Variants in UNC79 observed in about 807,000 individuals in gnomAD.
UNC79 encodes the protein protein unc-79 homolog.
A neutral mutation model predicts 283.1 loss-of-function variants in UNC79; 37 were observed. That is an observed-to-expected ratio of 0.13 (90% confidence interval 0.10 to 0.17). UNC79 has a LOEUF of 0.17. Among genes scored for constraint, UNC79 ranks in the 10% least tolerant of loss-of-function variants. UNC79 has a pLI of 1.00. For synonymous variants in UNC79, 1,107 were observed against 1,200.2 expected, an observed-to-expected ratio of 0.92 and a Z score of 1.61; for missense variants, 2,272 against 3,211.1, an observed-to-expected ratio of 0.71 and a Z score of 7.07.
chr14:93,589,739 C>T (rs2064515940), intron 22 of UNC79, among the ~76,000 whole-genome samples: 1 of 152,042 alleles, frequency 6.6e-6, no homozygotes, highest in African/African-American at 2.4e-5. Context: ...AGATGGGAGT[C>T]CAGACTCATT....
At chr14:93,653,524 C>T (rs909202079) in intron 35 of UNC79, among the ~76,000 whole-genome samples, 5 of 152,052 alleles carry the variant, frequency 3.3e-5, no homozygotes, top group South Asian at 2.1e-4. Context: ...ACCTGGAATA[C>T]GTCTGAGACT....
intron 34 of UNC79, among the ~76,000 whole-genome samples, chr14:93,645,910 C>A (rs941500927): frequency 1.3e-5 from 2 of 152,128 alleles, no homozygotes; most frequent in African/African-American, 4.8e-5. Flanking sequence ...CTCACTCTTA[C>A]ACCTGTAGTC....
At chr14:93,487,861 G>T in intron 5 of UNC79, 106 bp downstream of exon 5, 1 of 1,073,742 alleles carries the variant, frequency 9.3e-7, no homozygotes, top group East Asian at 2.5e-5. Context: ...TCATCATAGA[G>T]ATGTGTAGAA....
intron 30 of UNC79, among the ~76,000 whole-genome samples, chr14:93,624,475 G>A (rs74073839): frequency 0.033 from 5,016 of 152,180 alleles, 230 homozygotes; most frequent in African/African-American, 0.1. Flanking sequence ...TGGTGCATAC[G>A]AAGCTGAGGT....
chr14:93,439,435 A>G lies in UNC79; in HGVS notation c.22+8384A>G, dbSNP rs147468507. Among the ~76,000 whole-genome samples, 233 of 152,038 alleles carry G rather than the reference A, an allele frequency of 1.5e-3. 1 individual carries two copies. The highest frequency in any genetic ancestry group is 5.0e-3 in the African/African-American group (206 of 41,490). On this transcript the variant is annotated intron_variant, in intron 1 of 48. Transcript: ENST00000555664. ...TGAGTCAAGTTTATTTTCTGCATCT[A>G]TGGAGACCATATTGCTTCCTCTCTT...
rs542444130 is a variant in UNC79, at chr14:93,560,819, G to A, written c.1756-11075G>A. On this transcript the variant is annotated intron_variant, in intron 14 of 48. Coordinates refer to ENST00000555664, the Ensembl canonical transcript of UNC79. Reference sequence around the variant, plus strand: ...GAAGGAATGCTGAAAGGGGTGTCTTGTACCCAGACTCCTAGGGATCCAGCT... The same window carrying A: ...GAAGGAATGCTGAAAGGGGTGTCTTATACCCAGACTCCTAGGGATCCAGCT... Among the ~76,000 whole-genome samples the A allele has an allele frequency of 9.9e-5, 15 of 152,276 alleles. No individual in the cohort carries two copies. The South Asian group carries it at 3.1e-3, about 32-fold the overall frequency.
At chr14:93,370,096 A>G (rs2054411494) in intron 1 of UNC79, among the ~76,000 whole-genome samples, 1 of 152,190 alleles carries the variant, frequency 6.6e-6, no homozygotes, top group African/African-American at 2.4e-5. Flanking sequence ...TAATCACTAC[A>G]TTACTAAAGA....
At chr14:93,444,508 C>A (rs2056406506) in intron 1 of UNC79, among the ~76,000 whole-genome samples, 1 of 151,974 alleles carries the variant, frequency 6.6e-6, no homozygotes, top group Admixed American at 6.6e-5. Flanking sequence ...TTGCCTAAAC[C>A]AATGTCACAA....
intron 1 of UNC79, among the ~76,000 whole-genome samples, chr14:93,437,117 A>T (rs758285332): frequency 5.3e-5 from 8 of 152,168 alleles, no homozygotes; most frequent in Non-Finnish European, 1.0e-4. Context: ...ACATTTATGT[A>T]TATGTTATTT....
intron 4 of UNC79, among the ~76,000 whole-genome samples, chr14:93,486,649 T>TAA (rs1333319384): frequency 7.9e-5 from 9 of 113,626 alleles, no homozygotes; most frequent in African/African-American, 3.8e-4. Context: ...AGTGAGACTC[T>TAA]GTCTAAGGAA....
At chr14:93,368,498 A>G (rs548578306) in intron 1 of UNC79, among the ~76,000 whole-genome samples, 1 of 151,936 alleles carries the variant, frequency 6.6e-6, no homozygotes, top group Non-Finnish European at 1.5e-5. Context: ...TTTGAGACAT[A>G]GTCTTGTTCT....
In UNC79 at chr14:93,474,956, G is replaced by A. The variant is rs1245120542; in HGVS notation, c.448+563G>A. ...TCAAAATGTAGATATAGTATATAGT[G>A]GCGCTGTATGCTGTATTCAGCATAT... On this transcript the variant is annotated intron_variant, in intron 3 of 48. Transcript: ENST00000555664. The surrounding 1 kb of genome is among the most constrained non-coding windows in gnomAD (Gnocchi z 4.1). 6.6e-6 allele frequency among the ~76,000 whole-genome samples: 1 copy of A among 152,150 alleles called. No homozygotes were observed. Among genetic ancestry groups the A allele is most frequent in the Non-Finnish European group, 1.5e-5 (1 of 68,030 alleles).
At chr14:93,677,247 C>T (rs915170613) in intron 41 of UNC79, among the ~76,000 whole-genome samples, 1 of 152,138 alleles carries the variant, frequency 6.6e-6, no homozygotes, top group Non-Finnish European at 1.5e-5. Context: ...AGAAGTCTTC[C>T]ATGGGGCCAC....
At chr14:93,372,534 A>G (rs181605588) in intron 1 of UNC79, among the ~76,000 whole-genome samples, 1 of 152,368 alleles carries the variant, frequency 6.6e-6, no homozygotes, top group East Asian at 1.9e-4. Context: ...GTTAATTTCA[A>G]ACAGAGAAGA....
chr14:93,373,617 A>G (rs1261163962), intron 1 of UNC79, among the ~76,000 whole-genome samples: 4 of 152,192 alleles, frequency 2.6e-5, no homozygotes, highest in Non-Finnish European at 5.9e-5. Flanking sequence ...TAAATAATTA[A>G]CCTGCAAAAT....
intron 26 of UNC79, 138 bp from the exon 27 acceptor site, chr14:93,604,758 A>G: frequency 1.1e-6 from 1 of 872,970 alleles, no homozygotes; most frequent in Non-Finnish European, 1.6e-6. Flanking sequence ...TGTTACATAA[A>G]CAACTTTTAT....
intron 1 of UNC79, among the ~76,000 whole-genome samples, chr14:93,443,684 A>G (rs931704409): frequency 1.2e-4 from 19 of 152,162 alleles, no homozygotes; most frequent in African/African-American, 4.3e-4. Flanking sequence ...TGGCCTCCCA[A>G]AGTGCTGGGA....
chr14:93,616,257 T>C (rs1461664951), intron 27 of UNC79, among the ~76,000 whole-genome samples: 1 of 152,164 alleles, frequency 6.6e-6, no homozygotes, highest in African/African-American at 2.4e-5. Flanking sequence ...AACAAAGCCA[T>C]GCTGAATTTC....
At chr14:93,644,574 G>C (rs894011078) in intron 34 of UNC79, among the ~76,000 whole-genome samples, 1 of 152,124 alleles carries the variant, frequency 6.6e-6, no homozygotes, top group African/African-American at 2.4e-5. Flanking sequence ...GTAATGAGTG[G>C]AATGAGAGAG....
Sources: allele counts gnomAD v4.1 joint callset (sites outside exome capture counted in the v4.1 genomes callset), GRCh38; gene constraint gnomAD v4.1.1; non-coding constraint Gnocchi (gnomAD v3.1); transcripts MANE v1.5; gene names NCBI Gene and HGNC (gene_info 2026-07-23, HGNC 2026-07-21).